Variants in ARID5B observed in about 807,000 individuals in gnomAD.
ARID5B encodes AT-rich interaction domain 5B, also known as AT-rich interactive domain-containing protein 5B.
In ARID5B, 13 loss-of-function variants were observed where a neutral mutation model predicts 97.2. The observed-to-expected ratio is 0.13, with a 90% CI of 0.09 to 0.21. The LOEUF (loss-of-function observed/expected upper bound fraction) is 0.21, where lower values mean the gene tolerates loss of function less well. Ranked by LOEUF, ARID5B falls within the 10% of genes least tolerant of loss-of-function variation. The probability of loss-of-function intolerance (pLI) is 1.00; values close to 1 mark genes in which losing one functional copy is unlikely to be tolerated. For synonymous variants in ARID5B, 556 were observed against 570.3 expected, an observed-to-expected ratio of 0.97 and a Z score of 0.36; for missense variants, 1,210 against 1,465.3, an observed-to-expected ratio of 0.83 and a Z score of 2.84.
intron 5 of ARID5B, among the ~76,000 whole-genome samples, chr10:62,054,279 A>G (rs2132935716): frequency 6.6e-6 from 1 of 152,334 alleles, no homozygotes; most frequent in Admixed American, 6.5e-5. Context: ...TAATAATTTA[A>G]TAGATTGAAA....
At chr10:61,998,057 C>T (rs1381807512) in intron 3 of ARID5B, among the ~76,000 whole-genome samples, 1 of 152,168 alleles carries the variant, frequency 6.6e-6, no homozygotes, top group African/African-American at 2.4e-5. Flanking sequence ...TATACACAGA[C>T]CAGGCAGGAG....
chr10:62,049,214 G>A, intron 4 of ARID5B: 9 of 1,352,310 alleles, frequency 6.7e-6, no homozygotes, highest in Non-Finnish European at 8.6e-6. Context: ...AGAGAGCAGA[G>A]CCCTCCCTGC....
At chr10:62,023,269 A>G (rs1839378913) in intron 4 of ARID5B, among the ~76,000 whole-genome samples, 1 of 152,184 alleles carries the variant, frequency 6.6e-6, no homozygotes, top group Non-Finnish European at 1.5e-5. Flanking sequence ...CTTCTTGTGC[A>G]TTTGCTCCTT....
intron 5 of ARID5B, among the ~76,000 whole-genome samples, chr10:62,055,318 ATGT>A (rs1177821016): frequency 1.3e-5 from 2 of 152,178 alleles, no homozygotes; most frequent in African/African-American, 4.8e-5. Flanking sequence ...TGATCTTGTG[ATGT>A]TGTACATGCT....
intron 2 of ARID5B, among the ~76,000 whole-genome samples, chr10:61,939,743 G>C (rs1844365901): frequency 6.6e-6 from 1 of 152,148 alleles, no homozygotes; most frequent in African/African-American, 2.4e-5. Context: ...ATTTGGGGGT[G>C]AGTCAGAGTT....
chr10:62,074,869 T>C lies in ARID5B; in HGVS notation c.1199+5072T>C, dbSNP rs1840107774. Among the ~76,000 whole-genome samples the C allele has an allele frequency of 2.6e-5, 4 of 152,254 alleles. No individual in the cohort carries two copies. In the South Asian group the frequency reaches 8.3e-4, roughly 32 times the overall value. On this transcript the variant is annotated intron_variant, in intron 8 of 9. Transcript: ENST00000279873. ...TAAGCACAGCAATTGCGAATAAGCATTGATACACTTACGCTGAAATTTGCC... is the reference window on the plus strand; with the variant it reads ...TAAGCACAGCAATTGCGAATAAGCACTGATACACTTACGCTGAAATTTGCC...
chr10:61,916,718 G>A (rs1174052310), intron 2 of ARID5B, among the ~76,000 whole-genome samples: 1 of 152,164 alleles, frequency 6.6e-6, no homozygotes, highest in African/African-American at 2.4e-5. Context: ...TTTACAAGTA[G>A]AGGAAACGGG....
chr10:62,006,909 C>G (rs1458915878), intron 4 of ARID5B, among the ~76,000 whole-genome samples: 1 of 152,044 alleles, frequency 6.6e-6, no homozygotes, highest in Non-Finnish European at 1.5e-5. Context: ...AATTTGGGCT[C>G]ATGGGTACAA....
intron 3 of ARID5B, among the ~76,000 whole-genome samples, chr10:61,959,787 C>T (rs1267580479): frequency 2.0e-5 from 3 of 152,194 alleles, no homozygotes; most frequent in South Asian, 2.1e-4. Context: ...AGTTCATGCA[C>T]GTGTGATAGG....
intron 4 of ARID5B, among the ~76,000 whole-genome samples, chr10:62,035,727 G>A (rs377082679): frequency 3.3e-5 from 5 of 152,048 alleles, no homozygotes; most frequent in South Asian, 2.1e-4. Context: ...GAGCCACCAC[G>A]ACCAACCCAA....
rs74156290 is a variant in ARID5B at position 61,939,436 on chromosome 10, T to G, written c.277-747T>G. ...AATTAGAGATGCTTAACATTCAAATTTATGATCCAGAGGAGAAACTTGCAT... is the reference window on the plus strand; with the variant it reads ...AATTAGAGATGCTTAACATTCAAATGTATGATCCAGAGGAGAAACTTGCAT... On this transcript the variant is annotated intron_variant, in intron 2 of 9. Transcript: ENST00000279873. Among the ~76,000 whole-genome samples the G allele has an allele frequency of 2.5e-3, 376 of 152,278 alleles. 3 individuals carry two copies. Among genetic ancestry groups the G allele is most frequent in the African/African-American group, 8.7e-3 (360 of 41,544 alleles).
At chr10:62,037,909 T>C (rs1839585976) in intron 4 of ARID5B, among the ~76,000 whole-genome samples, 1 of 152,192 alleles carries the variant, frequency 6.6e-6, no homozygotes, top group African/African-American at 2.4e-5. Flanking sequence ...AAAAGCCAAT[T>C]TGAGATTAAT....
intron 8 of ARID5B, among the ~76,000 whole-genome samples, chr10:62,076,561 C>CAAAAAAAAAAAAAAAAA (rs11363274): frequency 5.4e-5 from 5 of 92,672 alleles, no homozygotes; most frequent in Admixed American, 1.2e-4. Flanking sequence ...GACTCTGTCT[C>CAAAAAAAAAAAAAAAAA]AAAAAAAAAA....
At chr10:61,966,456 G>C (rs1027886947) in intron 3 of ARID5B, among the ~76,000 whole-genome samples, 1 of 151,972 alleles carries the variant, frequency 6.6e-6, no homozygotes, top group African/African-American at 2.4e-5. Flanking sequence ...AATTTTATTT[G>C]CATCCATCAC....
At chr10:62,012,126 G>T (rs1334512950) in intron 4 of ARID5B, among the ~76,000 whole-genome samples, 3 of 152,142 alleles carry the variant, frequency 2.0e-5, no homozygotes, top group African/African-American at 7.2e-5. Flanking sequence ...ACTCTTCTGT[G>T]AGCATGTACC....
chr10:62,089,573 G>A (rs1435843582), intron 9 of ARID5B, among the ~76,000 whole-genome samples: 50 of 135,292 alleles, frequency 3.7e-4, no homozygotes, highest in Non-Finnish European at 7.7e-5. Flanking sequence ...TGTTGCCCAA[G>A]CTATAGTGCA....
chr10:62,036,133 T>G (rs1160297640), intron 4 of ARID5B, among the ~76,000 whole-genome samples: 2 of 152,104 alleles, frequency 1.3e-5, no homozygotes, highest in South Asian at 2.1e-4. Flanking sequence ...CCAAGGAAGC[T>G]TTTAAGCGAG....
chr10:62,072,273 G>A (rs12098496), intron 8 of ARID5B, among the ~76,000 whole-genome samples: 1,612 of 152,288 alleles, frequency 0.011, 27 homozygotes, highest in African/African-American at 0.037. Flanking sequence ...ACTGCTGGGG[G>A]ACTGTTGAAA....
chr10:62,046,113 A>T (rs1028136758), intron 4 of ARID5B, among the ~76,000 whole-genome samples: 2 of 152,204 alleles, frequency 1.3e-5, no homozygotes, highest in Admixed American at 6.5e-5. Context: ...GCAAAATGGG[A>T]AGGAAGAGTT....
Sources: gnomAD v4.1 joint callset for allele counts (sites outside exome capture counted in the v4.1 genomes callset) on GRCh38, gnomAD v4.1.1 for gene constraint, MANE v1.5 for transcripts, NCBI Gene and HGNC (gene_info 2026-07-23, HGNC 2026-07-21) for gene names.